The following SAXO2 variants were observed in gnomAD, a reference collection of about 807,000 sequenced individuals.
The protein encoded by SAXO2 is family with sequence similarity 154, member B.
Under a neutral mutation model 18.7 loss-of-function variants are expected in SAXO2, and 17 were observed. That is an observed-to-expected ratio of 0.91 (90% confidence interval 0.62 to 1.36). The LOEUF is 1.36. Among genes scored for constraint, SAXO2 ranks in the 40% most tolerant of loss-of-function variants. The pLI, the probability that SAXO2 is intolerant of heterozygous loss-of-function variation, is 0.00. For missense variants in SAXO2, 486 were observed against 562.6 expected (o/e 0.86, Z 1.38); for synonymous variants, 163 against 181.2 (o/e 0.90, Z 0.81).
At position 82,282,344 on chromosome 15, in the gene SAXO2, T is replaced by C. The variant is rs2075369835; in HGVS notation, c.659T>C (p.Leu220Pro). ...CGCCTTGATTATATACCTCATCAGCTTGAACTCAAGTTTGAAAGGCCAAAA... is the reference window on the plus strand; with the variant it reads ...CGCCTTGATTATATACCTCATCAGCCTGAACTCAAGTTTGAAAGGCCAAAA... Reference protein sequence around the residue: ...SHRLDYIPHQLELKFERPKEV... With the variant: ...SHRLDYIPHQPELKFERPKEV... The change falls in exon 4 of 4, where the codon CTT (leucine) becomes CCT (proline). Residue 220 changes from leucine (L) to proline (P), a missense_variant. Physicochemically the swap from Leu to Pro is moderately conservative, Grantham distance 98. Transcript: ENST00000682753. 1 of 1,614,184 alleles carries C rather than the reference T, an allele frequency of 6.2e-7. No homozygotes were observed.
intron 3 of SAXO2, among the ~76,000 whole-genome samples, chr15:82,273,152 C>G (rs1370590243): frequency 1.3e-5 from 2 of 152,130 alleles, no homozygotes; most frequent in Non-Finnish European, 2.9e-5. Context: ...GTGATGCACC[C>G]ACTTCGGCCT....
At chr15:82,281,993 C>G in intron 3 of SAXO2, 126 bp from the exon 4 acceptor site, 1 of 774,682 alleles carries the variant, frequency 1.3e-6, no homozygotes, top group Non-Finnish European at 2.1e-6. Context: ...TATTCTGATA[C>G]TATTGTTTAG....
intron 2 of SAXO2, among the ~76,000 whole-genome samples, chr15:82,268,435 A>G (rs1427038810): frequency 6.6e-6 from 1 of 152,238 alleles, no homozygotes; most frequent in East Asian, 1.9e-4. Flanking sequence ...TAAAACTAAA[A>G]TATTTGTTTA....
chr15:82,274,111 C>T (rs972019529), intron 3 of SAXO2, among the ~76,000 whole-genome samples: 4 of 151,956 alleles, frequency 2.6e-5, no homozygotes, highest in African/African-American at 7.2e-5. Context: ...CTGTTGTCCC[C>T]GATGCTGGGA....
intron 3 of SAXO2, among the ~76,000 whole-genome samples, chr15:82,272,912 T>G (rs1417044343): frequency 6.9e-6 from 1 of 145,670 alleles, no homozygotes; most frequent in East Asian, 2.0e-4. Flanking sequence ...ACACAGGCTG[T>G]TTTTTTTTTT....
chr15:82,282,839 C>T lies in SAXO2; in HGVS notation c.1154C>T (p.Pro385Leu). ...GLSTFRSHYVPHELIPTESCK... is the reference protein window; with the variant it reads ...GLSTFRSHYVLHELIPTESCK... ...AGCACTTTCAGATCTCACTATGTGCCACATGAATTGATCCCAACAGAGAGT... is the reference window on the plus strand; with the variant it reads ...AGCACTTTCAGATCTCACTATGTGCTACATGAATTGATCCCAACAGAGAGT... The change falls in exon 4 of 4, where the codon CCA (proline) becomes CTA (leucine). Residue 385 changes from proline to leucine, a missense_variant. Physicochemically the swap from Pro to Leu is moderately conservative, Grantham distance 98 (BLOSUM62 -3). Transcript: ENST00000682753. 6.2e-7 allele frequency: 1 copy of T among 1,613,760 alleles called. No homozygotes were observed. The highest frequency in any genetic ancestry group is 8.5e-7 in the Non-Finnish European group (1 of 1,179,838).
At position 82,263,549 on chromosome 15, in the gene SAXO2, G is replaced by A. The variant is rs146277620; in HGVS notation, c.53+617G>A. On this transcript the variant is annotated intron_variant, in intron 1 of 3. Coordinates refer to ENST00000682753, the MANE Select transcript of SAXO2 (RefSeq NM_001348699.2). ...TTCCTCAGCTTCACTATTGACCCAG[G>A]GATTAGATCATTATTTGCTAAGTAA... is the stretch of plus-strand genomic sequence containing the variant. 9.7e-4 allele frequency: 609 copies of A among 629,788 alleles called. No homozygotes were observed. The African/African-American group carries it at 0.01, about 10-fold the overall frequency. 39.0% of individuals were successfully genotyped at this position (629,788 alleles called of 1,614,324 possible).
In SAXO2 at chr15:82,283,082, A is replaced by T. The variant is rs2075382505; in HGVS notation, c.*20A>T. The T allele has an allele frequency of 6.5e-7, 1 of 1,541,616 alleles. No homozygotes were observed. Among genetic ancestry groups the T allele is most frequent in the Non-Finnish European group, 8.7e-7 (1 of 1,144,458 alleles). On this transcript the variant is annotated 3_prime_UTR_variant, in exon 4 of 4. Coordinates refer to ENST00000682753, the MANE Select transcript of SAXO2 (RefSeq NM_001348699.2). ...TTCTAATAACCAAAATGTGCTTAAAAGGAAGGTACTAGCAAGTTGTTGTTT... is the reference window on the plus strand; with the variant it reads ...TTCTAATAACCAAAATGTGCTTAAATGGAAGGTACTAGCAAGTTGTTGTTT...
intron 3 of SAXO2, among the ~76,000 whole-genome samples, chr15:82,280,940 A>G (rs970293709): frequency 6.6e-6 from 1 of 152,208 alleles, no homozygotes; most frequent in African/African-American, 2.4e-5. Context: ...TCAGTAACTT[A>G]ATCATTTAGT....
intron 1 of SAXO2, 56 bp downstream of exon 1, chr15:82,262,988 A>G: frequency 1.3e-6 from 2 of 1,565,432 alleles, no homozygotes; most frequent in Non-Finnish European, 1.7e-6. Context: ...CCTAGGGCCT[A>G]GGTGCACGGA....
At chr15:82,273,547 GT>G (rs2075290245) in intron 3 of SAXO2, among the ~76,000 whole-genome samples, 1 of 150,028 alleles carries the variant, frequency 6.7e-6, no homozygotes, top group Non-Finnish European at 1.5e-5. Context: ...TGTTTTTTCT[GT>G]TTTTTAAATC....
At chr15:82,279,207 C>T (rs138813460) in intron 3 of SAXO2, among the ~76,000 whole-genome samples, 8 of 152,238 alleles carry the variant, frequency 5.3e-5, no homozygotes, top group Admixed American at 1.3e-4. Context: ...ACCTTATAGA[C>T]GTTTATTTTA....
rs1162521733 is a variant in SAXO2 at position 82,263,049 on chromosome 15, C to G, written c.53+117C>G. 5 of 1,527,696 alleles carry G rather than the reference C, an allele frequency of 3.3e-6. No homozygotes were observed. The African/African-American group carries it at 5.6e-5, about 17-fold the overall frequency. The allele number at this position is 1,527,696 out of a possible 1,614,324, so 94.6% of individuals were successfully genotyped here. A position where few individuals can be genotyped will look rare whatever the true frequency, so the allele number is the denominator to read the frequency against. On this transcript the variant is annotated intron_variant, in intron 1 of 3. Transcript: ENST00000682753. ...TGGCCGTCCCCCGGAGATGAAGGGACGAGGGCGCAGCGACATCCCCACTTA... is the reference window on the plus strand; with the variant it reads ...TGGCCGTCCCCCGGAGATGAAGGGAGGAGGGCGCAGCGACATCCCCACTTA...
chr15:82,277,354 GAT>G (rs564604736), intron 3 of SAXO2, among the ~76,000 whole-genome samples: 168 of 152,024 alleles, frequency 1.1e-3, no homozygotes, highest in Admixed American at 2.1e-3. Context: ...ACATTAAAAA[GAT>G]ATTATTTTAA....
At chr15:82,281,326 C>T (rs2075360117) in intron 3 of SAXO2, among the ~76,000 whole-genome samples, 1 of 152,164 alleles carries the variant, frequency 6.6e-6, no homozygotes, top group African/African-American at 2.4e-5. Context: ...CCAAAATGCT[C>T]CACAGTCTAG....
At chr15:82,279,465 T>A (rs1326362673) in intron 3 of SAXO2, among the ~76,000 whole-genome samples, 1 of 152,178 alleles carries the variant, frequency 6.6e-6, no homozygotes, top group Non-Finnish European at 1.5e-5. Flanking sequence ...AATGTGAGTC[T>A]GAGTGAGATA....
At chr15:82,265,167 G>A (rs2075203409) in intron 1 of SAXO2, among the ~76,000 whole-genome samples, 2 of 152,124 alleles carry the variant, frequency 1.3e-5, no homozygotes, top group South Asian at 4.1e-4. Flanking sequence ...TTGAGACAGA[G>A]CCTTGTTCTG....
rs1355182679 is a variant in SAXO2 at position 82,283,124 on chromosome 15, A to C, written c.*62A>C. 6 of 1,153,502 alleles carry C rather than the reference A, an allele frequency of 5.2e-6. No individual in the cohort carries two copies. The African/African-American group carries it at 9.7e-5, about 19-fold the overall frequency. 71.5% of individuals were successfully genotyped at this position (1,153,502 alleles called of 1,614,324 possible). The stretch of plus-strand genomic sequence containing the variant: ...TTGTTGTTTTTCCAAGAGAAAACTC[A>C]ATTTTTATAGTTAAAAAATTTATGA... On this transcript the variant is annotated 3_prime_UTR_variant, in exon 4 of 4. Transcript: ENST00000682753.
At chr15:82,269,479 G>A (rs1397234198) in intron 2 of SAXO2, among the ~76,000 whole-genome samples, 1 of 152,220 alleles carries the variant, frequency 6.6e-6, no homozygotes, top group African/African-American at 2.4e-5. Flanking sequence ...GGTGAGAGTT[G>A]AGGCTAGTGA....
Sources: gnomAD v4.1 joint callset for allele counts (sites outside exome capture counted in the v4.1 genomes callset) on GRCh38, gnomAD v4.1.1 for gene constraint, MANE v1.5 for transcripts, NCBI Gene and HGNC (gene_info 2026-07-23, HGNC 2026-07-21) for gene names.